The following GRM5 variants were observed in gnomAD, a reference collection of about 807,000 sequenced individuals.
The protein encoded by GRM5 is metabotropic glutamate receptor 5.
In GRM5, 19 loss-of-function variants were observed where a neutral mutation model predicts 83.1. The ratio of observed to expected loss-of-function variants is 0.23; its 90% confidence interval spans 0.16 to 0.34. GRM5 has a LOEUF of 0.34. Ranked by LOEUF, GRM5 falls within the 10% of genes least tolerant of loss-of-function variation. GRM5 has a pLI of 1.00. For synonymous variants in GRM5, 675 were observed against 633.6 expected (o/e 1.07, Z -0.98); for missense variants, 1,160 against 1,588.3 (o/e 0.73, Z 4.58).
intron 3 of GRM5, among the ~76,000 whole-genome samples, chr11:88,767,567 T>C (rs1942647669): frequency 6.6e-6 from 1 of 151,824 alleles, no homozygotes; most frequent in African/African-American, 2.4e-5. Flanking sequence ...AGCAAAGTAA[T>C]ACAGGAGCAG....
intron 3 of GRM5, among the ~76,000 whole-genome samples, chr11:88,659,803 G>T (rs1386719204): frequency 6.6e-6 from 1 of 152,168 alleles, no homozygotes; most frequent in Non-Finnish European, 1.5e-5. Context: ...AAGGATTATG[G>T]AATGTTAGGG....
At chr11:88,825,225 T>C (rs966014042) in intron 3 of GRM5, among the ~76,000 whole-genome samples, 2 of 151,430 alleles carry the variant, frequency 1.3e-5, no homozygotes, top group African/African-American at 4.9e-5. Flanking sequence ...CACTGGATCC[T>C]GAACTTTTTT....
intron 3 of GRM5, among the ~76,000 whole-genome samples, chr11:88,706,663 T>G (rs1199091242): frequency 1.3e-5 from 2 of 152,126 alleles, no homozygotes; most frequent in Non-Finnish European, 2.9e-5. Flanking sequence ...ATTTTTCTAA[T>G]GCCTTATCTA....
At chr11:88,661,523 A>G (rs10831241) in intron 3 of GRM5, among the ~76,000 whole-genome samples, 85,231 of 151,794 alleles carry the variant, frequency 0.56, 27,595 homozygotes, top group South Asian at 0.81. Context: ...TTCTACCCAC[A>G]TGTAATCATC....
At chr11:88,674,681 G>A (rs113249333) in intron 3 of GRM5, among the ~76,000 whole-genome samples, 30 of 151,986 alleles carry the variant, frequency 2.0e-4, no homozygotes, top group African/African-American at 6.7e-4. Context: ...ACAAAGTCAT[G>A]ATGATTCCAT....
At chr11:88,518,193 A>G (rs959413485) in intron 9 of GRM5, among the ~76,000 whole-genome samples, 1 of 152,008 alleles carries the variant, frequency 6.6e-6, no homozygotes, top group Non-Finnish European at 1.5e-5. Flanking sequence ...AAAATAGAAT[A>G]TACTCTGAGT....
intron 2 of GRM5, among the ~76,000 whole-genome samples, chr11:89,045,227 T>A (rs1392370046): frequency 6.6e-6 from 1 of 152,164 alleles, no homozygotes; most frequent in Non-Finnish European, 1.5e-5. Flanking sequence ...AAATAGAATG[T>A]TTTCATGTAA....
chr11:88,735,516 A>C (rs1199661548), intron 3 of GRM5, among the ~76,000 whole-genome samples: 2 of 152,010 alleles, frequency 1.3e-5, no homozygotes, highest in African/African-American at 2.4e-5. Context: ...TCAGTCTCTG[A>C]GCCAAGGAAA....
At chr11:88,561,269 C>T (rs916894494) in intron 8 of GRM5, among the ~76,000 whole-genome samples, 1 of 152,054 alleles carries the variant, frequency 6.6e-6, no homozygotes, top group Admixed American at 6.6e-5. Flanking sequence ...AGTGGGCCCT[C>T]GTGACAATGC....
At chr11:88,764,082 GA>G (rs530896430) in intron 3 of GRM5, among the ~76,000 whole-genome samples, 1 of 151,558 alleles carries the variant, frequency 6.6e-6, no homozygotes, top group Admixed American at 6.6e-5. Flanking sequence ...ATTACTGTTA[GA>G]AAAAAGAGAC....
At chr11:88,518,890 C>A (rs1403644999) in intron 9 of GRM5, among the ~76,000 whole-genome samples, 1 of 150,958 alleles carries the variant, frequency 6.6e-6, no homozygotes, top group Non-Finnish European at 1.5e-5. Context: ...ATTATCCAGG[C>A]ACTTTTATTG....
chr11:89,023,523 T>G (rs1193612423), intron 2 of GRM5, among the ~76,000 whole-genome samples: 1 of 152,022 alleles, frequency 6.6e-6, no homozygotes, highest in Non-Finnish European at 1.5e-5. Flanking sequence ...CATCATTTCC[T>G]TAGTATTTTA....
intron 2 of GRM5, among the ~76,000 whole-genome samples, chr11:88,916,506 T>G (rs1945595068): frequency 6.6e-6 from 1 of 151,858 alleles, no homozygotes; most frequent in African/African-American, 2.4e-5. Context: ...ATCTGAGGAG[T>G]AAGAACCTGA....
intron 3 of GRM5, among the ~76,000 whole-genome samples, chr11:88,736,403 C>T (rs1941915579): frequency 6.6e-6 from 1 of 151,996 alleles, no homozygotes; most frequent in African/African-American, 2.4e-5. Context: ...CTTGTTTTCT[C>T]CCAAATTTTT....
chr11:88,909,159 T>C (rs1256640636), intron 2 of GRM5, among the ~76,000 whole-genome samples: 4 of 152,262 alleles, frequency 2.6e-5, no homozygotes, highest in Non-Finnish European at 4.4e-5. Flanking sequence ...TTTGTCCTTG[T>C]TCCTTGAGTA....
intron 3 of GRM5, among the ~76,000 whole-genome samples, chr11:88,800,969 A>G (rs879373172): frequency 2.0e-5 from 3 of 152,174 alleles, no homozygotes; most frequent in Non-Finnish European, 4.4e-5. Flanking sequence ...CACAATGCCC[A>G]TTATAGTAAA....
At chr11:88,782,279 T>C (rs1305738921) in intron 3 of GRM5, among the ~76,000 whole-genome samples, 5 of 152,050 alleles carry the variant, frequency 3.3e-5, no homozygotes, top group Non-Finnish European at 1.5e-5. Flanking sequence ...ACAAAAGAAA[T>C]AGGTGTAATG....
At chr11:88,628,462 G>T (rs1938869288) in intron 4 of GRM5, among the ~76,000 whole-genome samples, 1 of 152,184 alleles carries the variant, frequency 6.6e-6, no homozygotes, top group South Asian at 2.1e-4. Flanking sequence ...GTGCCATTTA[G>T]GTTATATTTA....
In GRM5 at chr11:88,936,423, G is replaced by A. The variant is rs1303349000; in HGVS notation, c.662-86268C>T. ...AGGTTTGACTATTAGGCCAATACCA[G>A]TAAGATTTATCTGGGTCATCAAGCT... On this transcript the variant is annotated intron_variant, in intron 2 of 9. Transcript: ENST00000305447. Among the ~76,000 whole-genome samples, 4 of 151,848 alleles carry A rather than the reference G, an allele frequency of 2.6e-5. No homozygotes were observed. In the East Asian group the frequency reaches 5.8e-4, roughly 22 times the overall value.
Sources: allele counts gnomAD v4.1 joint callset (sites outside exome capture counted in the v4.1 genomes callset), GRCh38; gene constraint gnomAD v4.1.1; transcripts MANE v1.5; gene names NCBI Gene and HGNC (gene_info 2026-07-23, HGNC 2026-07-21).